The following ASIC2 variants were observed in gnomAD, a reference collection of about 807,000 sequenced individuals.
ASIC2 encodes acid sensing ion channel subunit 2, also known as acid-sensing ion channel 2.
Under a neutral mutation model 57.3 loss-of-function variants are expected in ASIC2, and 25 were observed. That is an observed-to-expected ratio of 0.44 (90% CI 0.32 to 0.61). ASIC2 has a LOEUF of 0.61. Among genes scored for constraint, ASIC2 ranks in the 20% least tolerant of loss-of-function variants. The pLI, the probability that ASIC2 is intolerant of heterozygous loss-of-function variation, is 0.06. For missense variants in ASIC2, 641 were observed against 738.1 expected, an observed-to-expected ratio of 0.87 and a Z score of 1.52; for synonymous variants, 319 against 307.5, an observed-to-expected ratio of 1.04 and a Z score of -0.39.
chr17:33,636,128 A>T (rs1906355479), intron 1 of ASIC2, among the ~76,000 whole-genome samples: 2 of 152,232 alleles, frequency 1.3e-5, no homozygotes, highest in South Asian at 4.1e-4. Context: ...ATGTGTGAAT[A>T]TATGTGGATA....
intron 3 of ASIC2, among the ~76,000 whole-genome samples, chr17:33,074,104 G>A (rs1217190208): frequency 1.3e-5 from 2 of 152,238 alleles, no homozygotes; most frequent in South Asian, 2.1e-4. Flanking sequence ...TGTATCCCCA[G>A]GAGCCCTAAC....
At chr17:34,137,013 C>A (rs1296691547) in intron 1 of ASIC2, among the ~76,000 whole-genome samples, 1 of 152,224 alleles carries the variant, frequency 6.6e-6, no homozygotes, top group East Asian at 1.9e-4. Context: ...CTTTTGAAGG[C>A]AGAGCTAAAA....
intron 1 of ASIC2, among the ~76,000 whole-genome samples, chr17:33,264,363 C>T (rs906436117): frequency 2.0e-5 from 3 of 152,210 alleles, no homozygotes; most frequent in Non-Finnish European, 2.9e-5. Context: ...TGGATTGCCT[C>T]AGTGAATCCT....
intron 3 of ASIC2, among the ~76,000 whole-genome samples, chr17:33,044,065 A>AT (rs5820013): frequency 2.6e-5 from 4 of 151,760 alleles, no homozygotes; most frequent in Admixed American, 6.6e-5. Flanking sequence ...AAGCAACAGG[A>AT]TTTTTTTTTG....
intron 1 of ASIC2, among the ~76,000 whole-genome samples, chr17:33,194,664 CCAGA>C (rs1906557278): frequency 4.5e-5 from 1 of 22,084 alleles, no homozygotes; most frequent in Admixed American, 5.0e-4. Flanking sequence ...TCTGTTATTC[CCAGA>C]TTGGGAAATC....
intron 1 of ASIC2, among the ~76,000 whole-genome samples, chr17:33,849,761 T>A (rs1367372547): frequency 1.3e-5 from 2 of 152,122 alleles, no homozygotes; most frequent in African/African-American, 2.4e-5. Context: ...GACTCAGGCA[T>A]GGAAAAACCT....
At chr17:33,799,888 T>A (rs1912082045) in intron 1 of ASIC2, among the ~76,000 whole-genome samples, 1 of 152,164 alleles carries the variant, frequency 6.6e-6, no homozygotes, top group Non-Finnish European at 1.5e-5. Flanking sequence ...GCAGACTATC[T>A]GGGTCCCCAC....
At chr17:33,594,873 AG>A (rs374086600) in intron 1 of ASIC2, among the ~76,000 whole-genome samples, 30 of 151,464 alleles carry the variant, frequency 2.0e-4, no homozygotes, top group African/African-American at 7.3e-4. Context: ...GAGTAAGCTC[AG>A]GCCTAGAGAA....
At chr17:33,946,901 G>GGCA (rs1171802143) in intron 1 of ASIC2, among the ~76,000 whole-genome samples, 2 of 152,132 alleles carry the variant, frequency 1.3e-5, no homozygotes, top group African/African-American at 4.8e-5. Flanking sequence ...ATGTTAGTCT[G>GGCA]GCAGTTTGGG....
chr17:34,065,080 T>C (rs1186534658), intron 1 of ASIC2, among the ~76,000 whole-genome samples: 1 of 152,204 alleles, frequency 6.6e-6, no homozygotes, highest in Admixed American at 6.5e-5. Flanking sequence ...TGCATATGCA[T>C]GTTTATAGCA....
chr17:33,282,479 G>GTGCT (rs60306460), intron 1 of ASIC2, among the ~76,000 whole-genome samples: 49,333 of 146,484 alleles, frequency 0.34, 8,349 homozygotes, highest in East Asian at 0.59. Context: ...GTGTGTGCTT[G>GTGCT]TGTGTGTGTG....
At chr17:33,863,722 A>G (rs916433190) in intron 1 of ASIC2, among the ~76,000 whole-genome samples, 1 of 152,198 alleles carries the variant, frequency 6.6e-6, no homozygotes, top group Admixed American at 6.5e-5. Flanking sequence ...CTAAGGAGAA[A>G]TTCTCAAAGT....
At chr17:33,055,907 G>A (rs187947944) in intron 3 of ASIC2, among the ~76,000 whole-genome samples, 28 of 152,290 alleles carry the variant, frequency 1.8e-4, no homozygotes, top group East Asian at 1.2e-3. Context: ...CGCACTCTGC[G>A]TCAGAATCAC....
intron 1 of ASIC2, chr17:34,037,647 C>T (rs1031944545): frequency 1.2e-5 from 20 of 1,611,676 alleles, no homozygotes; most frequent in Admixed American, 1.7e-5. Flanking sequence ...TTATTGGACG[C>T]CCCAGAGGTT....
intron 1 of ASIC2, among the ~76,000 whole-genome samples, chr17:33,791,418 T>C (rs1248242369): frequency 6.6e-6 from 1 of 152,208 alleles, no homozygotes; most frequent in Non-Finnish European, 1.5e-5. Flanking sequence ...CCTTTTGCTG[T>C]AGAAGTCTCG....
At chr17:33,580,738 G>T (rs1904407065) in intron 1 of ASIC2, among the ~76,000 whole-genome samples, 1 of 152,124 alleles carries the variant, frequency 6.6e-6, no homozygotes. Context: ...CTGCGTCTCA[G>T]CTAATATAAG....
At chr17:33,933,312 T>C (rs1234700736) in intron 1 of ASIC2, among the ~76,000 whole-genome samples, 1 of 152,246 alleles carries the variant, frequency 6.6e-6, no homozygotes, top group East Asian at 1.9e-4. Flanking sequence ...AAAATTCTTA[T>C]TACTCCCTGA....
intron 1 of ASIC2, among the ~76,000 whole-genome samples, chr17:33,504,969 G>A: frequency 6.6e-6 from 1 of 152,182 alleles, no homozygotes; most frequent in East Asian, 1.9e-4. Flanking sequence ...TGAGATGGGT[G>A]GCTGCTGCTA....
At chr17:33,132,611 G>A (rs866632276) in intron 1 of ASIC2, among the ~76,000 whole-genome samples, 4 of 152,266 alleles carry the variant, frequency 2.6e-5, no homozygotes, top group African/African-American at 7.2e-5. Context: ...GTGCGCTCAT[G>A]CACACTTGCG....
Sources: gnomAD v4.1 joint callset for allele counts (sites outside exome capture counted in the v4.1 genomes callset) on GRCh38, gnomAD v4.1.1 for gene constraint, MANE v1.5 for transcripts, NCBI Gene and HGNC (gene_info 2026-07-23, HGNC 2026-07-21) for gene names.